The following CD93 variants were observed in gnomAD, a reference collection of about 807,000 sequenced individuals.
CD93 encodes the protein CD93 molecule.
CD93 carries 44 observed loss-of-function variants against 45.5 expected under a neutral mutation model. That is an observed-to-expected ratio of 0.97 (90% CI 0.76 to 1.24). CD93 has a LOEUF of 1.24. Among genes scored for constraint, CD93 ranks in the 50% most tolerant of loss-of-function variants. CD93 has a pLI of 0.00. For synonymous variants in CD93, 431 were observed against 370.8 expected (o/e 1.16, Z -1.87); for missense variants, 918 against 844.5 (o/e 1.09, Z -1.08).
In CD93 at chr20:23,085,499, C is replaced by A. The variant is rs376143726; in HGVS notation, c.694G>T (p.Glu232Ter). 1 of 1,613,796 alleles carries A rather than the reference C, an allele frequency of 6.2e-7. No individual in the cohort carries two copies. The highest frequency in any genetic ancestry group is 2.2e-5 in the East Asian group (1 of 44,880). ...CACAGGAAATAATGACTCTGAGTCT[C>A]GTCCTTGTCACCTTCCCCACAGGCT... ...NVACGEGDKD[E>*]TQSHYFLCKE... Residue 232 changes from glutamate (E) to a stop codon, truncating the protein, a stop_gained, in exon 1 of 2, where the codon GAG (glutamate) becomes TAG (stop). Transcript: ENST00000246006. LOFTEE classifies it high-confidence loss of function.
rs1182076703 is a variant in CD93 at position 23,085,653 on chromosome 20, G to T, written c.540C>A (p.Cys180Ter). The change falls in exon 1 of 2, where the codon TGC (cysteine) becomes TGA (stop). Residue 180 changes from cysteine (C) to a stop codon, truncating the protein, a stop_gained. Transcript: ENST00000246006. LOFTEE classifies it high-confidence loss of function. ...GGCACATGCCTTTGAAGCTGAACTT[G>T]CACACGAAGCCCTCAATGTTACTTC... ...SPGSNIEGFVCKFSFKGMCRP... is the reference protein window; with the variant it reads ...SPGSNIEGFV The T allele has an allele frequency of 1.2e-6, 2 of 1,611,626 alleles. No individual in the cohort carries two copies. Among genetic ancestry groups the T allele is most frequent in the East Asian group, 2.2e-5 (1 of 44,854 alleles).
rs962268053 is a variant in CD93 at position 23,080,743 on chromosome 20, T to C, written c.*3207A>G. The C allele has an allele frequency of 6.6e-6, 1 of 152,268 alleles. No homozygotes were observed. Among genetic ancestry groups the C allele is most frequent in the African/African-American group, 2.4e-5 (1 of 41,468 alleles). 9.4% of individuals were successfully genotyped at this position (152,268 alleles called of 1,614,324 possible). A position where few individuals can be genotyped will look rare whatever the true frequency, so the allele number is the denominator to read the frequency against. On this transcript the variant is annotated 3_prime_UTR_variant, in exon 2 of 2. Transcript: ENST00000246006. ...CATCATGATGCTATGGCAATGACGA[T>C]GACGCTTAGGTGTGTGGGCCACCGA...
In CD93 at chr20:23,083,874, GC is replaced by G; in HGVS notation, c.*75del. 4.5e-6 allele frequency: 6 copies of G among 1,345,570 alleles called. No individual in the cohort carries two copies. The highest frequency in any genetic ancestry group is 6.4e-6 in the Non-Finnish European group (6 of 934,592). The allele number at this position is 1,345,570 out of a possible 1,614,324, so 83.4% of individuals were successfully genotyped here. A position where few individuals can be genotyped will look rare whatever the true frequency, so the allele number is the denominator to read the frequency against. On this transcript the variant is annotated 3_prime_UTR_variant, in exon 2 of 2. Coordinates refer to ENST00000246006, the MANE Select transcript of CD93 (RefSeq NM_012072.4). ...TCCAGTCTTTCAAAAAAATGTGGGT[GC>G]CCCTTTGGAATGGGGAGTTCAAAGC...
chr20:23,084,111 G>C (rs546895677), intron 1 of CD93, 137 bp from the exon 2 acceptor site: 8 of 1,401,372 alleles, frequency 5.7e-6, no homozygotes, highest in South Asian at 3.5e-5. Context: ...TGCCTGGCGT[G>C]GGGGGAGGTT....
chr20:23,085,031 C>T lies in CD93; in HGVS notation c.1162G>A (p.Glu388Lys). Residue 388 changes from glutamate (E) to lysine (K), a missense_variant, in exon 1 of 2, where the codon GAG becomes AAG. Physicochemically the swap from Glu to Lys is moderately conservative, Grantham distance 56. Transcript: ENST00000246006. Reference sequence around the variant, plus strand: ...CAAGGCGAGCGACCCAGAGCACACTCATCCACATCCTGACAGGCCCCCTCT... The same window carrying T: ...CAAGGCGAGCGACCCAGAGCACACTTATCCACATCCTGACAGGCCCCCTCT... ...PGEGACQDVD[E>K]CALGRSPCAQ... is the part of the protein sequence containing the mutation. 1 of 1,613,978 alleles carries T rather than the reference C, an allele frequency of 6.2e-7. No individual in the cohort carries two copies. The highest frequency in any genetic ancestry group is 1.1e-5 in the South Asian group (1 of 91,084).
rs751612641 is a variant in CD93 at position 23,086,169 on chromosome 20, C to T, written c.24G>A (p.Leu8=). The T allele has an allele frequency of 7.1e-6, 11 of 1,551,494 alleles. No homozygotes were observed. In the South Asian group the frequency reaches 1.1e-4, roughly 15 times the overall value. The change falls in exon 1 of 2, where the codon CTG becomes CTA. Residue 8 remains leucine (L), a synonymous_variant. Coordinates refer to ENST00000246006, the MANE Select transcript of CD93 (RefSeq NM_012072.4). ...GGGTCAGGAGCAGCAGCAGCAGCAG[C>T]AGCAGGCCCATGGAGGTGGCCATCC... MATSMGL[L]LLLLLLLTQP... is the part of the protein sequence containing the mutation.
rs200119403 is a variant in CD93 at position 23,085,457 on chromosome 20, C to A, written c.736G>T (p.Asp246Tyr). ...HYFLCKEKAP[D>Y]VFDWGSSGPL... The stretch of plus-strand genomic sequence containing the variant: ...CCCGAGCTGCCCCAGTCGAACACAT[C>A]GGGGGCCTTCTCCTTGCACAGGAAA... Residue 246 changes from aspartate (D) to tyrosine (Y), a missense_variant, in exon 1 of 2, where the codon GAT becomes TAT. By Grantham distance (160) the Asp-to-Tyr change is radical (BLOSUM62 -3). Coordinates refer to ENST00000246006, the MANE Select transcript of CD93 (RefSeq NM_012072.4). 5 of 1,613,784 alleles carry A rather than the reference C, an allele frequency of 3.1e-6. No individual in the cohort carries two copies. In the African/African-American group the frequency reaches 6.7e-5, roughly 22 times the overall value.
At position 23,085,092 on chromosome 20, in the gene CD93, G is replaced by A. The variant is rs201414606; in HGVS notation, c.1101C>T (p.Cys367=). ...CCGGCTCATAGCCAACCCAGCATTC[G>A]CAGCGGAAGCCCCCAGGGGTGTTGA... The part of the protein sequence containing the change: ...ECVNTPGGFR[C]ECWVGYEPGG... Residue 367 remains cysteine (C), a synonymous_variant, in exon 1 of 2, where the codon TGC becomes TGT. Coordinates refer to ENST00000246006, the MANE Select transcript of CD93 (RefSeq NM_012072.4). 1.2e-5 allele frequency: 20 copies of A among 1,607,220 alleles called. No individual in the cohort carries two copies. Among genetic ancestry groups the A allele is most frequent in the African/African-American group, 4.0e-5 (3 of 74,948 alleles).
In CD93 at chr20:23,085,156, A is replaced by T. The variant is rs1365574467; in HGVS notation, c.1037T>A (p.Val346Glu). Residue 346 changes from valine to glutamate, a missense_variant, in exon 1 of 2, where the codon GTG becomes GAG. Val to Glu is a moderately radical substitution (Grantham distance 121). Transcript: ENST00000246006. The part of the protein sequence containing the change: ...LDSSQLDCVD[V>E]DECQDSPCAQ... ...ACAGGGGGAGTCCTGGCATTCATCC[A>T]CGTCCACACAGTCCAGCTGACTCGA... The T allele has an allele frequency of 1.9e-6, 3 of 1,579,178 alleles. No homozygotes were observed. Among genetic ancestry groups the T allele is most frequent in the Non-Finnish European group, 2.6e-6 (3 of 1,161,252 alleles).
rs761816729 is a variant in CD93 at position 23,085,929 on chromosome 20, C to T, written c.264G>A (p.Ala88=). The T allele has an allele frequency of 2.5e-6, 4 of 1,605,912 alleles. No homozygotes were observed. In the African/African-American group the frequency reaches 4.0e-5, roughly 16 times the overall value. ...QLLRREAALT[A]RMSKFWIGLQ... Reference sequence around the variant, plus strand: ...GCCCAATCCAGAACTTGCTCATCCTCGCCGTCAGGGCTGCCTCCCGCCTCA... The same window carrying T: ...GCCCAATCCAGAACTTGCTCATCCTTGCCGTCAGGGCTGCCTCCCGCCTCA... Residue 88 remains alanine, a synonymous_variant, in exon 1 of 2, where the codon GCG becomes GCA. Coordinates refer to ENST00000246006, the MANE Select transcript of CD93 (RefSeq NM_012072.4).
chr20:23,082,102 T>G lies in CD93; in HGVS notation c.*1848A>C, dbSNP rs1600421395. 1 of 152,256 alleles carries G rather than the reference T, an allele frequency of 6.6e-6. No homozygotes were observed. Among genetic ancestry groups the G allele is most frequent in the East Asian group, 1.9e-4 (1 of 5,184 alleles). 9.4% of individuals were successfully genotyped at this position (152,256 alleles called of 1,614,324 possible). On this transcript the variant is annotated 3_prime_UTR_variant, in exon 2 of 2. Coordinates refer to ENST00000246006, the MANE Select transcript of CD93 (RefSeq NM_012072.4). ...AAGTGTTAAACACCAGAGTTCCAAC[T>G]GAAAACTGGAGACCATGAGATGACT...
In CD93 at chr20:23,085,259, G is replaced by A. The variant is rs762071141; in HGVS notation, c.934C>T (p.Arg312Cys). Residue 312 changes from arginine to cysteine, a missense_variant, in exon 1 of 2, where the codon CGT becomes TGT. Transcript: ENST00000246006. The part of the protein sequence containing the change: ...SRNPCSSSPC[R>C]GGATCVLGPH... ...CCCAGGACGCACGTGGCCCCCCCAC[G>A]ACATGGGCTGGAGCTGCAAGGGTTT... 24 of 1,613,300 alleles carry A rather than the reference G, an allele frequency of 1.5e-5. No homozygotes were observed. The highest frequency in any genetic ancestry group is 3.3e-5 in the Admixed American group (2 of 59,950).
chr20:23,084,238 GTCACT>G lies in CD93; in HGVS notation c.1934+16_1934+20del. The G allele has an allele frequency of 6.2e-7, 1 of 1,609,566 alleles. No individual in the cohort carries two copies. The highest frequency in any genetic ancestry group is 8.5e-7 in the Non-Finnish European group (1 of 1,178,014). On this transcript the variant is annotated intron_variant, in intron 1 of 1. Coordinates refer to ENST00000246006, the MANE Select transcript of CD93 (RefSeq NM_012072.4). The stretch of plus-strand genomic sequence containing the variant: ...CCATGCCTGCCCATCCCCTCCCCCG[GTCACT>G]CAGGGCCCCCTTTACCTGTACTGGT...
Position 23,084,577 on chromosome 20 carries a change from C to T in CD93, c.1616G>A (p.Gly539Glu). 6.2e-7 allele frequency: 1 copy of T among 1,612,034 alleles called. No homozygotes were observed. Among genetic ancestry groups the T allele is most frequent in the Non-Finnish European group, 8.5e-7 (1 of 1,178,784 alleles). The change falls in exon 1 of 2, where the codon GGG becomes GAG. Residue 539 changes from glycine to glutamate, a missense_variant. Gly to Glu is a moderately conservative substitution (Grantham distance 98). Coordinates refer to ENST00000246006, the MANE Select transcript of CD93 (RefSeq NM_012072.4). ...GGGCTCCCTCCAGACGCCTGGGGAC[C>T]CACTGGGGGCCAGCATCTTGAGTGG... ...SAPLKMLAPS[G>E]SPGVWREPSI...
In CD93 at chr20:23,084,412, A is replaced by G; in HGVS notation, c.1781T>C (p.Leu594Pro). ...FYILGTVVAI[L>P]LLLALALGLL... ...CCCCAGAGCCAGGGCCAGCAGGAGT[A>G]GGATGGCCACCACGGTGCCTAGGAT... Residue 594 changes from leucine (L) to proline (P), a missense_variant, in exon 1 of 2, where the codon CTA (leucine) becomes CCA (proline). Transcript: ENST00000246006. The G allele has an allele frequency of 1.2e-6, 2 of 1,614,232 alleles. No homozygotes were observed. Among genetic ancestry groups the G allele is most frequent in the Non-Finnish European group, 8.5e-7 (1 of 1,180,046 alleles).
rs1985461187 is a variant in CD93, at chr20:23,085,358, C to T, written c.835G>A (p.Gly279Arg). Residue 279 changes from glycine to arginine, a missense_variant, in exon 1 of 2, where the codon GGG becomes AGG. By Grantham distance (125) the Gly-to-Arg change is moderately radical (BLOSUM62 -2). Transcript: ENST00000246006. ...GGCHQDCFEG[G>R]DGSFLCGCRP... The stretch of plus-strand genomic sequence containing the variant: ...CAGCCGCAGAGGAAGGAGCCATCCC[C>T]CCCTTCAAAGCAGTCCTGGTGGCAG... The T allele has an allele frequency of 1.2e-6, 2 of 1,613,948 alleles. No homozygotes were observed. Among genetic ancestry groups the T allele is most frequent in the Admixed American group, 1.7e-5 (1 of 60,004 alleles).
At chr20:23,084,038 T>C (rs929033366) in intron 1 of CD93, 64 bp from the exon 2 acceptor site, 16 of 1,594,024 alleles carry the variant, frequency 1.0e-5, no homozygotes, top group East Asian at 2.2e-5. Flanking sequence ...CGTCCCCACC[T>C]TGGGAGAGAG....
Position 23,082,059 on chromosome 20 carries a change from A to G in CD93, c.*1891T>C, listed in dbSNP as rs1349611349. The stretch of plus-strand genomic sequence containing the variant: ...GCCAAGGAAGTTTTGCCAAATGGAC[A>G]CAGCCTTTGTCTCCCTTAAGTGTTA... On this transcript the variant is annotated 3_prime_UTR_variant, in exon 2 of 2. Transcript: ENST00000246006. 1.3e-5 allele frequency: 2 copies of G among 152,190 alleles called. No homozygotes were observed. The highest frequency in any genetic ancestry group is 4.8e-5 in the African/African-American group (2 of 41,456). 9.4% of individuals were successfully genotyped at this position (152,190 alleles called of 1,614,324 possible).
In CD93 at chr20:23,085,296, G is replaced by A. The variant is rs757294348; in HGVS notation, c.897C>T (p.Thr299=). The change falls in exon 1 of 2, where the codon ACC becomes ACT. Residue 299 remains threonine (T), a synonymous_variant. Coordinates refer to ENST00000246006, the MANE Select transcript of CD93 (RefSeq NM_012072.4). ...PGFRLLDDLV[T]CASRNPCSSS... ...AGCTGCAAGGGTTTCGAGAGGCACA[G>A]GTCACCAGGTCATCCAGCAGCCGGA... 3.7e-6 allele frequency: 6 copies of A among 1,614,000 alleles called. No homozygotes were observed. The Admixed American group carries it at 8.3e-5, about 22-fold the overall frequency.
Sources: allele counts gnomAD v4.1 joint callset, GRCh38; gene constraint gnomAD v4.1.1; transcripts MANE v1.5; gene names NCBI Gene and HGNC (gene_info 2026-07-23, HGNC 2026-07-21).